CREB5: variants seen among roughly 807,000 people sequenced by gnomAD.
CREB5 encodes cyclic AMP-responsive element-binding protein 5.
CREB5 carries 19 observed loss-of-function variants against 57.1 expected under a neutral mutation model. The observed-to-expected ratio is 0.33, with a 90% CI of 0.23 to 0.49. CREB5 has a LOEUF of 0.49. CREB5 is among the 20% of genes least tolerant of loss of function. CREB5 has a pLI of 0.99. For synonymous variants in CREB5, 238 were observed against 238.3 expected (o/e 1.00, Z 0.01); for missense variants, 579 against 671.6 (o/e 0.86, Z 1.52).
At chr7:28,581,393 G>T (rs1796119728) in intron 5 of CREB5, among the ~76,000 whole-genome samples, 1 of 152,212 alleles carries the variant, frequency 6.6e-6, no homozygotes, top group Non-Finnish European at 1.5e-5. Flanking sequence ...CTGGTGAAAA[G>T]GCTCACCAAG....
intron 1 of CREB5, among the ~76,000 whole-genome samples, chr7:28,340,457 G>A (rs115238969): frequency 7.9e-5 from 12 of 152,318 alleles, no homozygotes; most frequent in African/African-American, 2.9e-4. Flanking sequence ...GGCCTGGAAT[G>A]AGGGCCTCAG....
chr7:28,532,198 G>GC (rs1473656187), intron 4 of CREB5, among the ~76,000 whole-genome samples: 51 of 152,146 alleles, frequency 3.4e-4, no homozygotes, highest in Non-Finnish European at 1.5e-5. Context: ...AGGAGCTGAA[G>GC]CCCCCTGCCA....
intron 1 of CREB5, among the ~76,000 whole-genome samples, chr7:28,399,582 A>C (rs879587635): frequency 5.9e-5 from 9 of 152,208 alleles, no homozygotes; most frequent in Non-Finnish European, 7.3e-5. Context: ...CTGGCTAACC[A>C]TATGCAGAAG....
chr7:28,638,264 G>GACACACACACACACACACACAC (rs56956362), intron 5 of CREB5, among the ~76,000 whole-genome samples: 4 of 145,712 alleles, frequency 2.7e-5, no homozygotes, highest in Admixed American at 6.9e-5. Context: ...AAAGAAACTA[G>GACACACACACACACACACACAC]ACACACACAC....
chr7:28,444,963 C>A (rs1247209816), intron 1 of CREB5, among the ~76,000 whole-genome samples: 1 of 152,152 alleles, frequency 6.6e-6, no homozygotes, highest in African/African-American at 2.4e-5. Context: ...CAAATCTCAT[C>A]TTGAGTTGTA....
chr7:28,513,458 T>TTA (rs1554335519), intron 4 of CREB5: 1 of 151,678 alleles, frequency 6.6e-6, no homozygotes, highest in East Asian at 1.9e-4. Flanking sequence ...TTTTTTTTTT[T>TTA]ATCAGCATGA....
chr7:28,345,428 C>T (rs1309151849), intron 1 of CREB5, among the ~76,000 whole-genome samples: 2 of 152,088 alleles, frequency 1.3e-5, no homozygotes, highest in African/African-American at 2.4e-5. Flanking sequence ...TTTTGAGATC[C>T]CACTGAGCTA....
chr7:28,564,567 T>A (rs1431751979), intron 4 of CREB5, among the ~76,000 whole-genome samples: 2 of 152,198 alleles, frequency 1.3e-5, no homozygotes, highest in East Asian at 3.8e-4. Flanking sequence ...GCTTCTCATT[T>A]CATTCACACC....
chr7:28,679,565 T>C (rs1800489731), intron 5 of CREB5, among the ~76,000 whole-genome samples: 1 of 152,206 alleles, frequency 6.6e-6, no homozygotes, highest in South Asian at 2.1e-4. Flanking sequence ...TTTCTTACTT[T>C]TTGATGTTAT....
At chr7:28,494,883 C>A in intron 2 of CREB5, 23 bp from the exon 3 acceptor site, 1 of 1,280,540 alleles carries the variant, frequency 7.8e-7, no homozygotes, top group Non-Finnish European at 1.1e-6. Context: ...TCTCCCCTCC[C>A]TTTTTTTTTA....
chr7:28,410,333 C>T, upstream of CREB5: 1 of 456,734 alleles, frequency 2.2e-6, no homozygotes, highest in Non-Finnish European at 4.4e-6. Flanking sequence ...CAAATGACAG[C>T]TCCGGCTCGA....
chr7:28,398,477 C>A (rs759633502), intron 1 of CREB5, among the ~76,000 whole-genome samples: 8 of 152,122 alleles, frequency 5.3e-5, no homozygotes, highest in Non-Finnish European at 8.8e-5. Context: ...AAATATGAAC[C>A]TTTGCTATCC....
At chr7:28,548,798 A>G (rs181486555) in intron 4 of CREB5, among the ~76,000 whole-genome samples, 2 of 152,258 alleles carry the variant, frequency 1.3e-5, no homozygotes, top group Admixed American at 6.5e-5. Context: ...AATTTTCTGT[A>G]TCAGTTTTCC....
At chr7:28,534,030 G>C (rs577246822) in intron 4 of CREB5, among the ~76,000 whole-genome samples, 1 of 152,180 alleles carries the variant, frequency 6.6e-6, no homozygotes, top group Non-Finnish European at 1.5e-5. Flanking sequence ...AAGCAAATCT[G>C]TATCTATTTT....
chr7:28,491,232 G>A (rs999704948), intron 2 of CREB5: 1 of 985,352 alleles, frequency 1.0e-6, no homozygotes, highest in Admixed American at 6.1e-5. Context: ...GCTGGAGTTT[G>A]TCAAGAACAA....
At chr7:28,356,154 C>CAGATAGGT (rs1287058328) in intron 1 of CREB5, among the ~76,000 whole-genome samples, 4 of 152,164 alleles carry the variant, frequency 2.6e-5, no homozygotes, top group African/African-American at 4.8e-5. Flanking sequence ...TAATTGAATG[C>CAGATAGGT]AGATAGGTAA....
intron 1 of CREB5, among the ~76,000 whole-genome samples, chr7:28,354,986 C>G (rs1002766434): frequency 6.6e-6 from 1 of 152,142 alleles, no homozygotes; most frequent in Non-Finnish European, 1.5e-5. Flanking sequence ...GCCTAGCCAC[C>G]CCCGCATGGC....
intron 5 of CREB5, among the ~76,000 whole-genome samples, chr7:28,684,885 T>G (rs6965754): frequency 4.0e-5 from 6 of 151,888 alleles, no homozygotes; most frequent in African/African-American, 1.5e-4. Flanking sequence ...GGAGAGATGA[T>G]GGGGTTAAAA....
At chr7:28,631,577 G>A (rs1487622043) in intron 5 of CREB5, among the ~76,000 whole-genome samples, 2 of 152,092 alleles carry the variant, frequency 1.3e-5, no homozygotes, top group African/African-American at 4.8e-5. Context: ...CAGAGGGGAT[G>A]AAGTCTCCCT....
Sources: allele counts gnomAD v4.1 joint callset (sites outside exome capture counted in the v4.1 genomes callset), GRCh38; gene constraint gnomAD v4.1.1; transcripts MANE v1.5; gene names NCBI Gene and HGNC (gene_info 2026-07-23, HGNC 2026-07-21).